WDFY2: variants seen among roughly 807,000 people sequenced by gnomAD.
The protein encoded by WDFY2 is WD repeat and FYVE domain-containing protein 2.
A neutral mutation model predicts 56.4 loss-of-function variants in WDFY2; 36 were observed. The observed-to-expected ratio is 0.64, with a 90% CI of 0.49 to 0.84. The LOEUF is 0.84. WDFY2 is among the 40% of genes least tolerant of loss of function. The pLI is 0.00. For missense variants in WDFY2, 444 were observed against 512.2 expected, an observed-to-expected ratio of 0.87 and a Z score of 1.29; for synonymous variants, 176 against 183.7, an observed-to-expected ratio of 0.96 and a Z score of 0.34.
chr13:51,654,644 G>A (rs1448207237), intron 1 of WDFY2, among the ~76,000 whole-genome samples: 1 of 152,082 alleles, frequency 6.6e-6, no homozygotes, highest in African/African-American at 2.4e-5. Context: ...AGGGAAAAAT[G>A]TTTTTCATGT....
chr13:51,651,718 G>C (rs989002092), intron 1 of WDFY2, among the ~76,000 whole-genome samples: 1 of 152,130 alleles, frequency 6.6e-6, no homozygotes, highest in East Asian at 1.9e-4. Context: ...CCATGTAGTT[G>C]GGCAGTTTTG....
In WDFY2 at chr13:51,766,075, G is replaced by A. The variant is rs975657165; in HGVS notation, c.*6306G>A. 1.3e-5 allele frequency: 2 copies of A among 152,184 alleles called. No individual in the cohort carries two copies. The highest frequency in any genetic ancestry group is 2.9e-5 in the Non-Finnish European group (2 of 68,034). The allele number at this position is 152,184 out of a possible 1,614,324, so 9.4% of individuals were successfully genotyped here. On this transcript the variant is annotated 3_prime_UTR_variant, in exon 12 of 12. Transcript: ENST00000298125. ...CACATATACACTTTTTATCATTTTA[G>A]TGGATGGCAGCCTTACGTCAGTAGT...
rs1416254958 is a variant in WDFY2, at chr13:51,751,033, C to G, written c.726-277C>G. Among the ~76,000 whole-genome samples, 3 of 152,110 alleles carry G rather than the reference C, an allele frequency of 2.0e-5. No individual in the cohort carries two copies. The South Asian group carries it at 6.2e-4, about 32-fold the overall frequency. On this transcript the variant is annotated intron_variant, in intron 7 of 11. Transcript: ENST00000298125. ...GAGGGAACCAGTAAGAAGTTACAGC[C>G]CATTCAACAATCAGCTTTTTTCCTT...
chr13:51,705,279 G>T (rs1158626566), intron 4 of WDFY2, among the ~76,000 whole-genome samples: 1 of 152,186 alleles, frequency 6.6e-6, no homozygotes, highest in African/African-American at 2.4e-5. Context: ...TCCACACCTT[G>T]ATTCCATCCT....
At chr13:51,657,080 C>T (rs1180549875) in intron 1 of WDFY2, among the ~76,000 whole-genome samples, 5 of 151,984 alleles carry the variant, frequency 3.3e-5, no homozygotes, top group East Asian at 1.9e-4. Context: ...CCTTCTTCTA[C>T]GTTTGATTTT....
At chr13:51,607,499 A>G (rs563486604) in intron 1 of WDFY2, among the ~76,000 whole-genome samples, 1 of 152,244 alleles carries the variant, frequency 6.6e-6, no homozygotes, top group South Asian at 2.1e-4. Flanking sequence ...CATTTTTGCA[A>G]ACAATCCACC....
chr13:51,732,516 A>G (rs1027757092), intron 6 of WDFY2, among the ~76,000 whole-genome samples: 1 of 152,224 alleles, frequency 6.6e-6, no homozygotes, highest in African/African-American at 2.4e-5. Context: ...ACATATTTGA[A>G]ACAGGAGGGC....
chr13:51,599,960 A>T (rs369613202), intron 1 of WDFY2, among the ~76,000 whole-genome samples: 1 of 151,594 alleles, frequency 6.6e-6, no homozygotes, highest in Non-Finnish European at 1.5e-5. Context: ...CAGTGCTTGC[A>T]TGTGGCCACT....
rs562984625 is a variant in WDFY2, at chr13:51,646,283, C to T, written c.138-14313C>T. Among the ~76,000 whole-genome samples the T allele has an allele frequency of 1.2e-4, 18 of 152,350 alleles. No homozygotes were observed. In the South Asian group the frequency reaches 3.1e-3, roughly 26 times the overall value. ...CTCCTGCTCGCCTTGCCTCCCTGGG[C>T]GGCAGAGGCAATGCTCCTGCAGAAT... On this transcript the variant is annotated intron_variant, in intron 1 of 11. Coordinates refer to ENST00000298125, the MANE Select transcript of WDFY2 (RefSeq NM_052950.4).
At chr13:51,643,325 G>T (rs967698440) in intron 1 of WDFY2, among the ~76,000 whole-genome samples, 1 of 152,146 alleles carries the variant, frequency 6.6e-6, no homozygotes, top group African/African-American at 2.4e-5. Flanking sequence ...ATTCAGAACA[G>T]TAGCAGCCAG....
intron 8 of WDFY2, among the ~76,000 whole-genome samples, chr13:51,753,668 T>A (rs1953289609): frequency 6.6e-6 from 1 of 152,198 alleles, no homozygotes; most frequent in South Asian, 2.1e-4. Flanking sequence ...TATTGGTCTT[T>A]AGCTCCCAAA....
In WDFY2 at chr13:51,766,660, T is replaced by C. The variant is rs1953760096; in HGVS notation, c.*6891T>C. The C allele has an allele frequency of 6.6e-6, 1 of 152,246 alleles. No homozygotes were observed. The highest frequency in any genetic ancestry group is 1.5e-5 in the Non-Finnish European group (1 of 68,054). The allele number at this position is 152,246 out of a possible 1,614,324, so 9.4% of individuals were successfully genotyped here. On this transcript the variant is annotated 3_prime_UTR_variant, in exon 12 of 12. Transcript: ENST00000298125. ...CCCCCAATCAAATGCTGCTGAATAT[T>C]GTGAATGTTTTTACTCCGCTCACTT...
intron 1 of WDFY2, chr13:51,588,442 A>G (rs1953984308): frequency 6.6e-6 from 1 of 152,248 alleles, no homozygotes; most frequent in Non-Finnish European, 1.5e-5. Context: ...GCATTCATAC[A>G]GAGACTTTCA....
chr13:51,650,842 C>A (rs908529943), intron 1 of WDFY2, among the ~76,000 whole-genome samples: 1 of 152,212 alleles, frequency 6.6e-6, no homozygotes, highest in South Asian at 2.1e-4. Flanking sequence ...ATTTTTGGAT[C>A]GACATTCATC....
At position 51,711,260 on chromosome 13, in the gene WDFY2, G is replaced by A. The variant is rs552337782; in HGVS notation, c.334+7610G>A. Reference sequence around the variant, plus strand: ...TATGTAGAAAACTGAAACTGGATCCGTTCCTTACACCTTATACAAAAATTA... The same window carrying A: ...TATGTAGAAAACTGAAACTGGATCCATTCCTTACACCTTATACAAAAATTA... On this transcript the variant is annotated intron_variant, in intron 4 of 11. Transcript: ENST00000298125. 1.2e-4 allele frequency among the ~76,000 whole-genome samples: 19 copies of A among 152,192 alleles called. 1 individual carries two copies. The South Asian group carries it at 3.5e-3, about 28-fold the overall frequency.
intron 2 of WDFY2, among the ~76,000 whole-genome samples, chr13:51,663,549 A>G (rs1566090947): frequency 6.6e-6 from 1 of 152,224 alleles, no homozygotes; most frequent in Non-Finnish European, 1.5e-5. Flanking sequence ...TGTTCCTAGG[A>G]ATCTTACGCA....
intron 6 of WDFY2, among the ~76,000 whole-genome samples, chr13:51,736,953 C>A (rs1261343940): frequency 6.6e-6 from 1 of 152,122 alleles, no homozygotes; most frequent in African/African-American, 2.4e-5. Context: ...TCAAGTAAGC[C>A]TTTCTAATCA....
chr13:51,607,644 C>A (rs891865239), intron 1 of WDFY2, among the ~76,000 whole-genome samples: 23 of 151,386 alleles, frequency 1.5e-4, no homozygotes, highest in Non-Finnish European at 2.9e-4. Flanking sequence ...ATTAAAACAA[C>A]AAAAATTCAA....
chr13:51,609,558 C>CA (rs1003031904), intron 1 of WDFY2, among the ~76,000 whole-genome samples: 1 of 141,236 alleles, frequency 7.1e-6, no homozygotes, highest in Admixed American at 7.5e-5. Context: ...TTTAAGGCAT[C>CA]AAAAAACAAA....
Sources: gnomAD v4.1 joint callset for allele counts (sites outside exome capture counted in the v4.1 genomes callset) on GRCh38, gnomAD v4.1.1 for gene constraint, MANE v1.5 for transcripts, NCBI Gene and HGNC (gene_info 2026-07-23, HGNC 2026-07-21) for gene names.